ERC2: variants seen among roughly 807,000 people sequenced by gnomAD.
ERC2 encodes ELKS/RAB6-interacting/CAST family member 2, also known as ERC protein 2.
A neutral mutation model predicts 114.8 loss-of-function variants in ERC2; 42 were observed. The ratio of observed to expected loss-of-function variants is 0.37; its 90% CI spans 0.29 to 0.47. ERC2 has a LOEUF of 0.47. Among genes scored for constraint, ERC2 ranks in the 20% least tolerant of loss-of-function variants. ERC2 has a pLI of 0.99. For missense variants in ERC2, 939 were observed against 1,150.7 expected (o/e 0.82, Z 2.66); for synonymous variants, 454 against 425.5 (o/e 1.07, Z -0.82).
chr3:55,813,036 ATGAG>A (rs2059780739), intron 14 of ERC2, among the ~76,000 whole-genome samples: 1 of 152,242 alleles, frequency 6.6e-6, no homozygotes, highest in Admixed American at 6.5e-5. Flanking sequence ...TAAAAGTCCA[ATGAG>A]AAAATACTGT....
rs62249316 is a variant in ERC2, at chr3:55,726,279, C to A, written c.2712+8492G>T. On this transcript the variant is annotated intron_variant, in intron 15 of 17. Transcript: ENST00000288221. ...AGCTTTTCTGGAGGTAATCCAAACA[C>A]AACAGGAGGCTATGGGAACCCTACT... Among the ~76,000 whole-genome samples, 133 of 152,336 alleles carry A rather than the reference C, an allele frequency of 8.7e-4. 1 individual carries two copies. Among genetic ancestry groups the A allele is most frequent in the Non-Finnish European group, 1.4e-3 (98 of 68,034 alleles).
intron 16 of ERC2, among the ~76,000 whole-genome samples, chr3:55,694,000 C>A (rs112449768): frequency 6.6e-6 from 1 of 152,066 alleles, no homozygotes; most frequent in Non-Finnish European, 1.5e-5. Flanking sequence ...TGAGTCACTG[C>A]GCCCGGCAAA....
intron 12 of ERC2, among the ~76,000 whole-genome samples, chr3:55,974,226 A>T (rs2069400378): frequency 6.6e-6 from 1 of 152,230 alleles, no homozygotes; most frequent in South Asian, 2.1e-4. Context: ...CTGACCTGAC[A>T]TAACGATGAG....
At chr3:55,796,814 G>A (rs1007637097) in intron 14 of ERC2, among the ~76,000 whole-genome samples, 2 of 152,108 alleles carry the variant, frequency 1.3e-5, no homozygotes, top group Admixed American at 6.5e-5. Flanking sequence ...CACACTACTC[G>A]CAAGCCTAAT....
chr3:56,275,562 A>G (rs2053933367), intron 3 of ERC2, among the ~76,000 whole-genome samples: 2 of 152,204 alleles, frequency 1.3e-5, no homozygotes, highest in South Asian at 4.1e-4. Flanking sequence ...CCCTTCTGCT[A>G]CACCACACTG....
At chr3:56,274,480 CA>C (rs1314342157) in intron 3 of ERC2, among the ~76,000 whole-genome samples, 1 of 150,016 alleles carries the variant, frequency 6.7e-6, no homozygotes, top group Non-Finnish European at 1.5e-5. Flanking sequence ...GGTTCAAATC[CA>C]GGGAAACCTG....
At chr3:55,947,710 G>A (rs1238920953) in intron 13 of ERC2, among the ~76,000 whole-genome samples, 3 of 152,176 alleles carry the variant, frequency 2.0e-5, no homozygotes, top group African/African-American at 7.2e-5. Context: ...TAGAGCAGCT[G>A]GGCCAGTTAG....
At chr3:56,357,530 G>C (rs6792196) in intron 2 of ERC2, among the ~76,000 whole-genome samples, 1,737 of 152,010 alleles carry the variant, frequency 0.011, 10 homozygotes, top group Non-Finnish European at 0.019. Context: ...CCCAGCACAG[G>C]GTCCTGGTCT....
At chr3:56,141,581 G>T (rs1313180976) in intron 5 of ERC2, among the ~76,000 whole-genome samples, 2 of 152,168 alleles carry the variant, frequency 1.3e-5, no homozygotes, top group Non-Finnish European at 2.9e-5. Flanking sequence ...TTTTGTGTCT[G>T]CATTGGTTTT....
chr3:56,111,422 C>T (rs1006630958), intron 6 of ERC2, among the ~76,000 whole-genome samples: 1 of 151,770 alleles, frequency 6.6e-6, no homozygotes, highest in Non-Finnish European at 1.5e-5. Flanking sequence ...CTATCCCCCC[C>T]TCTCTCTCAC....
intron 17 of ERC2, among the ~76,000 whole-genome samples, chr3:55,607,344 T>G (rs773556803): frequency 6.6e-6 from 1 of 152,124 alleles, no homozygotes; most frequent in Non-Finnish European, 1.5e-5. Flanking sequence ...ACGCTGAGCC[T>G]GGAGAACCCA....
At position 56,215,362 on chromosome 3, in the gene ERC2, A is replaced by C. The variant is rs1210344904; in HGVS notation, c.1075-41842T>G. On this transcript the variant is annotated intron_variant, in intron 3 of 17. Transcript: ENST00000288221. ...GCAATCCTAGTCTCTGATAAAACAG[A>C]CTTTAAACCAACAAAGATCAAAAGA... is the stretch of plus-strand genomic sequence containing the variant. Among the ~76,000 whole-genome samples, 3 of 152,240 alleles carry C rather than the reference A, an allele frequency of 2.0e-5. No individual in the cohort carries two copies. The East Asian group carries it at 5.8e-4, about 29-fold the overall frequency.
At chr3:56,405,757 T>G (rs1253932934) in intron 2 of ERC2, among the ~76,000 whole-genome samples, 1 of 152,184 alleles carries the variant, frequency 6.6e-6, no homozygotes, top group East Asian at 1.9e-4. Flanking sequence ...TCCTCCACTA[T>G]TGGATATTTA....
chr3:55,644,798 T>C (rs1001812389), intron 17 of ERC2, among the ~76,000 whole-genome samples: 9 of 151,980 alleles, frequency 5.9e-5, no homozygotes, highest in African/African-American at 4.8e-5. Flanking sequence ...TGAAATTTAC[T>C]TTATGCTTGT....
chr3:56,429,303 C>T (rs1045820764), intron 2 of ERC2, among the ~76,000 whole-genome samples: 1 of 152,126 alleles, frequency 6.6e-6, no homozygotes, highest in East Asian at 1.9e-4. Flanking sequence ...CAGCACAGGC[C>T]ACTAAAAATA....
intron 6 of ERC2, among the ~76,000 whole-genome samples, chr3:56,133,182 A>C (rs1166419720): frequency 6.6e-6 from 1 of 152,200 alleles, no homozygotes; most frequent in Non-Finnish European, 1.5e-5. Flanking sequence ...TCACGCCTGT[A>C]ATCCCAGCAT....
chr3:56,358,025 A>G (rs1190492742), intron 2 of ERC2, among the ~76,000 whole-genome samples: 1 of 152,032 alleles, frequency 6.6e-6, no homozygotes, highest in Non-Finnish European at 1.5e-5. Context: ...CCGGCTAAGC[A>G]GAGAAAGGGG....
At chr3:56,128,066 A>G (rs2079984049) in intron 6 of ERC2, among the ~76,000 whole-genome samples, 1 of 151,884 alleles carries the variant, frequency 6.6e-6, no homozygotes. Context: ...TCAAAAAAAT[A>G]AATAAAAATA....
chr3:55,911,338 G>C (rs2064798505), intron 13 of ERC2, among the ~76,000 whole-genome samples: 1 of 152,200 alleles, frequency 6.6e-6, no homozygotes, highest in Non-Finnish European at 1.5e-5. Flanking sequence ...CACAAGCAGA[G>C]AGTGGTTCAT....
Sources: allele counts gnomAD v4.1 joint callset (sites outside exome capture counted in the v4.1 genomes callset), GRCh38; gene constraint gnomAD v4.1.1; transcripts MANE v1.5; gene names NCBI Gene and HGNC (gene_info 2026-07-23, HGNC 2026-07-21).